ZNF761: variants seen among roughly 807,000 people sequenced by gnomAD.
The protein encoded by ZNF761 is zinc finger protein 761.
Under a neutral mutation model 59.9 loss-of-function variants are expected in ZNF761, and 43 were observed. The ratio of observed to expected loss-of-function variants is 0.72; its 90% CI spans 0.56 to 0.92. The LOEUF is 0.92. ZNF761 is among the 40% of genes least tolerant of loss of function. The probability of loss-of-function intolerance (pLI) is 0.00; values close to 1 mark genes in which losing one functional copy is unlikely to be tolerated. For synonymous variants in ZNF761, 294 were observed against 304.8 expected (o/e 0.96, Z 0.37); for missense variants, 850 against 906.1 (o/e 0.94, Z 0.79).
intron 1 of ZNF761, chr19:53,442,357 A>T: frequency 9.5e-7 from 1 of 1,056,754 alleles, no homozygotes; most frequent in Non-Finnish European, 1.5e-6. Context: ...CTGATGGACC[A>T]GAACCTGAAG....
chr19:53,435,283 C>A (rs778925627), intron 1 of ZNF761, among the ~76,000 whole-genome samples: 104 of 118,762 alleles, frequency 8.8e-4, no homozygotes, highest in East Asian at 2.4e-3. Flanking sequence ...GCTATAAATA[C>A]AAGTCCTTTT....
Position 53,454,839 on chromosome 19 carries a change from C to T in ZNF761, c.332C>T (p.Ala111Val). ...WQEDERNGHE[A>V]PMTKIKKLTG... ...GAAGATGAAAGAAATGGCCATGAAG[C>T]ACCCATGACAAAAATCAAAAAGTTG... The change falls in exon 5 of 5, where the codon GCA becomes GTA. Residue 111 changes from alanine (A) to valine (V), a missense_variant. By Grantham distance (64) the Ala-to-Val change is moderately conservative. Coordinates refer to ENST00000684525, the MANE Select transcript of ZNF761 (RefSeq NM_001289951.2). 1 of 1,614,088 alleles carries T rather than the reference C, an allele frequency of 6.2e-7. No individual in the cohort carries two copies. Among genetic ancestry groups the T allele is most frequent in the Non-Finnish European group, 8.5e-7 (1 of 1,180,000 alleles).
chr19:53,433,037 TGGGGACAGG>T (rs1568796018), intron 1 of ZNF761, among the ~76,000 whole-genome samples: 20 of 122,854 alleles, frequency 1.6e-4, no homozygotes, highest in African/African-American at 2.2e-4. Flanking sequence ...TGCTAGAGAG[TGGGGACAGG>T]GGGGTATAAC....
intron 1 of ZNF761, among the ~76,000 whole-genome samples, chr19:53,433,376 A>G (rs1028689760): frequency 2.0e-4 from 30 of 149,782 alleles, no homozygotes; most frequent in South Asian, 6.3e-4. Context: ...AAATACACAC[A>G]TTTGTCCTTT....
At chr19:53,434,154 T>G (rs561905593) in intron 1 of ZNF761, among the ~76,000 whole-genome samples, 2 of 152,318 alleles carry the variant, frequency 1.3e-5, no homozygotes, top group African/African-American at 4.8e-5. Flanking sequence ...GTGTGTAAAT[T>G]GGGGTGCAAT....
chr19:53,457,556 T>A lies in ZNF761; in HGVS notation c.*808T>A, dbSNP rs2086283120. On this transcript the variant is annotated 3_prime_UTR_variant, in exon 5 of 5. Coordinates refer to ENST00000684525, the MANE Select transcript of ZNF761 (RefSeq NM_001289951.2). Reference sequence around the variant, plus strand: ...CTTGCAGAATATGAGAAAATTCATTTTGGAGGTAGTTGGTCCATATGCAAT... The same window carrying A: ...CTTGCAGAATATGAGAAAATTCATTATGGAGGTAGTTGGTCCATATGCAAT... 3.0e-6 allele frequency: 1 copy of A among 334,798 alleles called. No individual in the cohort carries two copies. The highest frequency in any genetic ancestry group is 6.0e-6 in the Non-Finnish European group (1 of 167,512). The allele number at this position is 334,798 out of a possible 1,614,324, so 20.7% of individuals were successfully genotyped here. A position where few individuals can be genotyped will look rare whatever the true frequency, so the allele number is the denominator to read the frequency against.
Position 53,432,610 on chromosome 19 carries a change from C to A in ZNF761, c.-185+582C>A, listed in dbSNP as rs574594226. 7.2e-4 allele frequency among the ~76,000 whole-genome samples: 109 copies of A among 152,250 alleles called. 1 individual carries two copies. Among genetic ancestry groups the A allele is most frequent in the Non-Finnish European group, 1.2e-3 (81 of 68,022 alleles). Reference sequence around the variant, plus strand: ...GCCCAGCTCCAGCCCCTGGAAAATGCGCTCCCCCGGGATGCAGGCGTCTTA... The same window carrying A: ...GCCCAGCTCCAGCCCCTGGAAAATGAGCTCCCCCGGGATGCAGGCGTCTTA... On this transcript the variant is annotated intron_variant, in intron 1 of 4. Transcript: ENST00000684525.
At chr19:53,447,974 T>A (rs2086178917) in intron 3 of ZNF761, among the ~76,000 whole-genome samples, 1 of 152,174 alleles carries the variant, frequency 6.6e-6, no homozygotes, top group Non-Finnish European at 1.5e-5. Flanking sequence ...TCATTAAACG[T>A]TTTTATAATT....
At chr19:53,432,671 A>G (rs1039008481) in intron 1 of ZNF761, among the ~76,000 whole-genome samples, 1 of 152,176 alleles carries the variant, frequency 6.6e-6, no homozygotes, top group Non-Finnish European at 1.5e-5. Flanking sequence ...GGCCAAAGGG[A>G]TCAGGAGACG....
intron 3 of ZNF761, among the ~76,000 whole-genome samples, chr19:53,449,141 C>CAA (rs2086191712): frequency 2.0e-5 from 3 of 151,932 alleles, no homozygotes; most frequent in African/African-American, 7.3e-5. Flanking sequence ...ACCAACCTGG[C>CAA]TATTACGGTG....
intron 1 of ZNF761, among the ~76,000 whole-genome samples, chr19:53,433,002 A>G (rs1219315888): frequency 2.7e-5 from 4 of 150,822 alleles, no homozygotes; most frequent in Admixed American, 1.3e-4. Context: ...GAAGCACAGC[A>G]GGGAGGACAC....
At chr19:53,452,483 A>C (rs2086230085) in intron 4 of ZNF761, among the ~76,000 whole-genome samples, 1 of 152,034 alleles carries the variant, frequency 6.6e-6, no homozygotes, top group Non-Finnish European at 1.5e-5. Flanking sequence ...ACTCGGGCTG[A>C]GGCGGGAGAA....
intron 1 of ZNF761, among the ~76,000 whole-genome samples, chr19:53,432,612 C>A (rs915574648): frequency 6.6e-6 from 1 of 152,156 alleles, no homozygotes; most frequent in African/African-American, 2.4e-5. Flanking sequence ...GGAAAATGCG[C>A]TCCCCCGGGA....
At chr19:53,450,160 G>C (rs566981941) in intron 4 of ZNF761, 2 of 218,324 alleles carry the variant, frequency 9.2e-6, no homozygotes, top group African/African-American at 4.6e-5. Context: ...AAAATTAGCC[G>C]GGTGTGGTGG....
chr19:53,437,390 G>T, intron 1 of ZNF761, among the ~76,000 whole-genome samples: 1 of 151,922 alleles, frequency 6.6e-6, no homozygotes, highest in East Asian at 1.9e-4. Context: ...TTTCTTGATG[G>T]ATTTGCTTCA....
In ZNF761 at chr19:53,435,289, C is replaced by CTTTTTTTTTTTT. The variant is rs368157010; in HGVS notation, c.-185+3282_-185+3293dup. Among the ~76,000 whole-genome samples the CTTTTTTTTTTTT allele has an allele frequency of 6.9e-4, 37 of 53,616 alleles. 5 individuals carry two copies. The highest frequency in any genetic ancestry group is 2.7e-3 in the African/African-American group (34 of 12,364). The allele number at this position is 53,616 out of a possible 152,430, so 35.2% of individuals were successfully genotyped here. A position where few individuals can be genotyped will look rare whatever the true frequency, so the allele number is the denominator to read the frequency against. On this transcript the variant is annotated intron_variant, in intron 1 of 4. Coordinates refer to ENST00000684525, the MANE Select transcript of ZNF761 (RefSeq NM_001289951.2). ...GGTCGTCTGGCTATAAATACAAGTC[C>CTTTTTTTTTTTT]TTTTTTTTTTTTTTTTTTTTTTTTT...
chr19:53,453,117 T>A (rs2147141382), intron 4 of ZNF761, among the ~76,000 whole-genome samples: 1 of 152,320 alleles, frequency 6.6e-6, no homozygotes, highest in Middle Eastern at 3.4e-3. Flanking sequence ...TTCTCCTGCC[T>A]CAGCCTTCCA....
chr19:53,453,121 C>T lies in ZNF761; in HGVS notation c.143-1529C>T, dbSNP rs1262194532. ...GGTTCAAATGATTCTCCTGCCTCAGCCTTCCAAGTAGCTGAGATTACAGGC... is the reference window on the plus strand; with the variant it reads ...GGTTCAAATGATTCTCCTGCCTCAGTCTTCCAAGTAGCTGAGATTACAGGC... On this transcript the variant is annotated intron_variant, in intron 4 of 4. Transcript: ENST00000684525. Among the ~76,000 whole-genome samples the T allele has an allele frequency of 3.9e-5, 6 of 152,160 alleles. No homozygotes were observed. The East Asian group carries it at 1.2e-3, about 29-fold the overall frequency.
At chr19:53,439,026 C>A (rs59819187) in intron 1 of ZNF761, among the ~76,000 whole-genome samples, 1,887 of 152,210 alleles carry the variant, frequency 0.012, 43 homozygotes, top group African/African-American at 0.043. Flanking sequence ...CTCATCCCAA[C>A]ACTTTGGGCG....
Sources: allele counts gnomAD v4.1 joint callset (sites outside exome capture counted in the v4.1 genomes callset), GRCh38; gene constraint gnomAD v4.1.1; transcripts MANE v1.5; gene names NCBI Gene and HGNC (gene_info 2026-07-23, HGNC 2026-07-21).